FOCAD: variants seen among roughly 807,000 people sequenced by gnomAD.
FOCAD encodes the protein KIAA1797.
FOCAD carries 198 observed loss-of-function variants against 225.6 expected under a neutral mutation model. The ratio of observed to expected loss-of-function variants is 0.88; its 90% confidence interval spans 0.78 to 0.99. The LOEUF is 0.99. FOCAD is among the 50% of genes least tolerant of loss of function. The pLI is 0.00. For missense variants in FOCAD, 2,713 were observed against 2,123.6 expected (o/e 1.28, Z -5.46); for synonymous variants, 897 against 755.0 (o/e 1.19, Z -3.08).
intron 15 of FOCAD, among the ~76,000 whole-genome samples, chr9:20,831,157 C>T (rs148672873): frequency 3.2e-4 from 48 of 152,094 alleles, no homozygotes; most frequent in African/African-American, 1.1e-3. Context: ...TTTAAGTATA[C>T]AAGGGATCCT....
intron 1 of FOCAD, among the ~76,000 whole-genome samples, chr9:20,714,411 CTGTT>C (rs1209346523): frequency 6.6e-6 from 1 of 152,020 alleles, no homozygotes; most frequent in East Asian, 1.9e-4. Context: ...TAATCTAGGG[CTGTT>C]TATTGACATA....
intron 15 of FOCAD, among the ~76,000 whole-genome samples, chr9:20,850,978 C>T (rs1479923556): frequency 1.3e-5 from 2 of 151,042 alleles, no homozygotes; most frequent in South Asian, 2.1e-4. Context: ...TCCTGCAAAG[C>T]GTCCAGCTTA....
chr9:20,796,407 T>A (rs1269264152), intron 11 of FOCAD, among the ~76,000 whole-genome samples: 1 of 152,232 alleles, frequency 6.6e-6, no homozygotes, highest in Non-Finnish European at 1.5e-5. Context: ...TCCACAATGG[T>A]TGAACTAGTT....
intron 23 of FOCAD, 55 bp downstream of exon 23, chr9:20,913,009 G>A (rs1316787634): frequency 1.5e-5 from 22 of 1,436,906 alleles, no homozygotes; most frequent in Admixed American, 7.2e-5. Context: ...AGCTATGAGG[G>A]GAAAGGTAAC....
chr9:20,717,013 G>C (rs553293743), intron 2 of FOCAD, among the ~76,000 whole-genome samples: 3 of 152,172 alleles, frequency 2.0e-5, no homozygotes, highest in African/African-American at 7.2e-5. Context: ...TTGTAAAACA[G>C]GAGCTCAACC....
chr9:20,795,012 T>G (rs1269511225), intron 11 of FOCAD, among the ~76,000 whole-genome samples: 3 of 152,092 alleles, frequency 2.0e-5, no homozygotes, highest in African/African-American at 7.2e-5. Flanking sequence ...TCCAGAAAAT[T>G]TTATTAGTAA....
intron 15 of FOCAD, among the ~76,000 whole-genome samples, chr9:20,845,469 C>A (rs1014944462): frequency 1.4e-5 from 1 of 69,014 alleles, no homozygotes; most frequent in African/African-American, 5.8e-5. Flanking sequence ...ATATATATGA[C>A]ACGTGGTATA....
intron 1 of FOCAD, among the ~76,000 whole-genome samples, chr9:20,713,621 A>G (rs748286997): frequency 1.3e-5 from 2 of 152,222 alleles, no homozygotes; most frequent in Non-Finnish European, 2.9e-5. Flanking sequence ...ATAAATGCAG[A>G]GATTTTTTGC....
chr9:20,713,298 T>C (rs1182302432), intron 1 of FOCAD, among the ~76,000 whole-genome samples: 1 of 152,224 alleles, frequency 6.6e-6, no homozygotes, highest in Non-Finnish European at 1.5e-5. Flanking sequence ...CATCTCTTTA[T>C]TCTTCCTAAG....
intron 1 of FOCAD, among the ~76,000 whole-genome samples, chr9:20,712,730 C>CTTTTTTTTT (rs71334550): frequency 4.2e-4 from 39 of 93,314 alleles, no homozygotes; most frequent in Non-Finnish European, 5.4e-4. Flanking sequence ...CTCCTATATT[C>CTTTTTTTTT]TTTTTTTTTT....
At chr9:20,810,772 G>A (rs947359830) in intron 11 of FOCAD, among the ~76,000 whole-genome samples, 3 of 152,074 alleles carry the variant, frequency 2.0e-5, no homozygotes, top group Admixed American at 2.0e-4. Context: ...TGGAAATAAA[G>A]TTTAGGCCAG....
chr9:20,763,521 G>C (rs1298808352), intron 6 of FOCAD, among the ~76,000 whole-genome samples: 10 of 152,184 alleles, frequency 6.6e-5, no homozygotes, highest in Admixed American at 3.9e-4. Context: ...CATCTGATGT[G>C]ATCTGATCAA....
At chr9:20,849,101 T>C (rs1426802275) in intron 15 of FOCAD, among the ~76,000 whole-genome samples, 1 of 151,960 alleles carries the variant, frequency 6.6e-6, no homozygotes, top group Non-Finnish European at 1.5e-5. Flanking sequence ...AAAAGGATTT[T>C]ATTAATGGCC....
At chr9:20,723,285 C>G (rs963562036) in intron 4 of FOCAD, among the ~76,000 whole-genome samples, 2 of 152,118 alleles carry the variant, frequency 1.3e-5, no homozygotes, top group Non-Finnish European at 1.5e-5. Flanking sequence ...GTCAGGAGTT[C>G]GAGACCAGCC....
chr9:20,934,849 A>G (rs1332681702), intron 28 of FOCAD, among the ~76,000 whole-genome samples: 1 of 142,962 alleles, frequency 7.0e-6, no homozygotes, highest in African/African-American at 2.5e-5. Context: ...CAAATCAAGA[A>G]CCCCACCCCT....
chr9:20,992,286 C>G (rs1841740143), intron 42 of FOCAD, among the ~76,000 whole-genome samples: 1 of 152,184 alleles, frequency 6.6e-6, no homozygotes, highest in Non-Finnish European at 1.5e-5. Context: ...ATGCTTGGCT[C>G]TACCTAGTGA....
At chr9:20,672,859 C>T (rs937133572) in intron 2 of FOCAD, among the ~76,000 whole-genome samples, 2 of 152,226 alleles carry the variant, frequency 1.3e-5, no homozygotes, top group African/African-American at 2.4e-5. Flanking sequence ...ACAGGACTCA[C>T]CAAACTTCAG....
chr9:20,701,502 A>T (rs1247232608), intron 1 of FOCAD, among the ~76,000 whole-genome samples: 3 of 151,998 alleles, frequency 2.0e-5, no homozygotes, highest in African/African-American at 7.2e-5. Flanking sequence ...TACTTATTTA[A>T]AAAAACAGAA....
rs750238029 is a variant in FOCAD, at chr9:20,981,413, G to A, written c.4378-13G>A. On this transcript the variant is annotated splice_polypyrimidine_tract_variant and intron_variant, in intron 37 of 43. Transcript: ENST00000338382. Reference sequence around the variant, plus strand: ...TGCCTATTTACATTCAACCCCTTCTGTTTTACTTCCAGCTGAATACCAAGA... The same window carrying A: ...TGCCTATTTACATTCAACCCCTTCTATTTTACTTCCAGCTGAATACCAAGA... 1 of 1,612,870 alleles carries A rather than the reference G, an allele frequency of 6.2e-7. No individual in the cohort carries two copies. The highest frequency in any genetic ancestry group is 1.3e-5 in the African/African-American group (1 of 74,890).
Sources: allele counts gnomAD v4.1 joint callset (sites outside exome capture counted in the v4.1 genomes callset), GRCh38; gene constraint gnomAD v4.1.1; transcripts MANE v1.5; gene names NCBI Gene and HGNC (gene_info 2026-07-23, HGNC 2026-07-21).